DZIP3: variants seen among roughly 807,000 people sequenced by gnomAD.
DZIP3 encodes E3 ubiquitin-protein ligase DZIP3.
DZIP3 carries 118 observed loss-of-function variants against 162.0 expected under a neutral mutation model. The observed-to-expected ratio is 0.73, with a 90% CI of 0.63 to 0.85. DZIP3 has a LOEUF of 0.85. Among genes scored for constraint, DZIP3 ranks in the 40% least tolerant of loss-of-function variants. The pLI is 0.00. For missense variants in DZIP3, 1,331 were observed against 1,407.0 expected, an observed-to-expected ratio of 0.95 and a Z score of 0.86; for synonymous variants, 438 against 458.6, an observed-to-expected ratio of 0.96 and a Z score of 0.57.
At chr3:108,607,534 T>C (rs895627020) in intron 2 of DZIP3, among the ~76,000 whole-genome samples, 9 of 152,208 alleles carry the variant, frequency 5.9e-5, no homozygotes, top group African/African-American at 2.2e-4. Context: ...GTTCAGTATA[T>C]AATACTGCAG....
At chr3:108,608,852 GAA>G (rs1329517621) in intron 3 of DZIP3, among the ~76,000 whole-genome samples, 1 of 152,154 alleles carries the variant, frequency 6.6e-6, no homozygotes, top group African/African-American at 2.4e-5. Flanking sequence ...CTGCTGTAAA[GAA>G]CTACCTGAGA....
intron 12 of DZIP3, among the ~76,000 whole-genome samples, chr3:108,638,886 T>C (rs1055811790): frequency 6.6e-6 from 1 of 152,218 alleles, no homozygotes; most frequent in Non-Finnish European, 1.5e-5. Context: ...TTAGCTTGGC[T>C]CTTCACTTAA....
intron 26 of DZIP3, 146 bp from the exon 27 acceptor site, chr3:108,684,070 C>T (rs1010428837): frequency 4.1e-5 from 33 of 811,438 alleles, no homozygotes; most frequent in Non-Finnish European, 5.0e-5. Context: ...TTCTGACATA[C>T]ATTGTTTCTA....
At chr3:108,679,750 G>C (rs1481185635) in intron 26 of DZIP3, among the ~76,000 whole-genome samples, 2 of 152,106 alleles carry the variant, frequency 1.3e-5, no homozygotes, top group Non-Finnish European at 2.9e-5. Flanking sequence ...TCCCATCAGT[G>C]AATTAGGAAA....
chr3:108,675,586 TG>T (rs1173567869), intron 24 of DZIP3, among the ~76,000 whole-genome samples, 199 bp from the exon 25 acceptor site: 1 of 152,010 alleles, frequency 6.6e-6, no homozygotes, highest in Non-Finnish European at 1.5e-5. Context: ...TTGTGAAAAA[TG>T]AATTTTTTAT....
intron 19 of DZIP3, among the ~76,000 whole-genome samples, chr3:108,660,622 GC>G (rs1451202964): frequency 6.6e-6 from 1 of 152,000 alleles, no homozygotes; most frequent in African/African-American, 2.4e-5. Flanking sequence ...GGCAACAAAA[GC>G]CAAAATTGAC....
At chr3:108,658,324 A>G (rs2107274986) in intron 19 of DZIP3, among the ~76,000 whole-genome samples, 1 of 152,332 alleles carries the variant, frequency 6.6e-6, no homozygotes, top group East Asian at 1.9e-4. Context: ...GTAGAACTCA[A>G]GATTAAGAAA....
chr3:108,664,054 A>T (rs891288600), intron 21 of DZIP3, among the ~76,000 whole-genome samples: 2 of 152,212 alleles, frequency 1.3e-5, no homozygotes, highest in African/African-American at 2.4e-5. Flanking sequence ...AGCACAACAG[A>T]CAAGCATAGG....
At chr3:108,628,015 A>T (rs553350768) in intron 7 of DZIP3, among the ~76,000 whole-genome samples, 2 of 152,154 alleles carry the variant, frequency 1.3e-5, no homozygotes, top group East Asian at 3.9e-4. Context: ...AGTAGCTGGG[A>T]TTACAGGCAT....
chr3:108,634,728 T>C, intron 9 of DZIP3, 143 bp from the exon 10 acceptor site: 2 of 434,846 alleles, frequency 4.6e-6, no homozygotes, highest in Non-Finnish European at 8.1e-6. Context: ...TATTTGGTGA[T>C]CTCTGATTTC....
Position 108,619,234 on chromosome 3 carries a change from C to T in DZIP3, c.375+2577C>T, listed in dbSNP as rs1364344041. On this transcript the variant is annotated intron_variant, in intron 5 of 32. Coordinates refer to ENST00000361582, the MANE Select transcript of DZIP3 (RefSeq NM_014648.4). Reference sequence around the variant, plus strand: ...ATATAGAGCTTATGAGCAGAGGAGTCCAGGGTTCTCCAGAGAAACCAGACT... The same window carrying T: ...ATATAGAGCTTATGAGCAGAGGAGTTCAGGGTTCTCCAGAGAAACCAGACT... Among the ~76,000 whole-genome samples, 3 of 151,544 alleles carry T rather than the reference C, an allele frequency of 2.0e-5. No homozygotes were observed. The East Asian group carries it at 5.8e-4, about 29-fold the overall frequency.
chr3:108,675,891 T>A lies in DZIP3; in HGVS notation c.2781+18T>A. 2 of 1,601,952 alleles carry A rather than the reference T, an allele frequency of 1.2e-6. No individual in the cohort carries two copies. The highest frequency in any genetic ancestry group is 1.7e-6 in the Non-Finnish European group (2 of 1,174,224). ...TCCTCAGGGTAAGTCCTGAAGTATATTTGGAGAAAATTGGCTTAATGTTAT... is the reference window on the plus strand; with the variant it reads ...TCCTCAGGGTAAGTCCTGAAGTATAATTGGAGAAAATTGGCTTAATGTTAT... On this transcript the variant is annotated intron_variant, in intron 25 of 32. Transcript: ENST00000361582.
Position 108,661,892 on chromosome 3 carries a change from G to C in DZIP3, c.2215G>C (p.Val739Leu). ...TGCTCAATAGGGCTCAGCTGGCAAA[G>C]TAACTACAGACTATGGAGAAACTGA... ...DMIEQGSAGKVTTDYGETEKE... is the reference protein window; with the variant it reads ...DMIEQGSAGKLTTDYGETEKE... The change falls in exon 20 of 33, where the codon GTA becomes CTA. Residue 739 changes from valine (V) to leucine (L), a missense_variant. By Grantham distance (32) the Val-to-Leu change is conservative. Transcript: ENST00000361582. The C allele has an allele frequency of 6.2e-7, 1 of 1,613,674 alleles. No individual in the cohort carries two copies. Among genetic ancestry groups the C allele is most frequent in the Admixed American group, 1.7e-5 (1 of 59,936 alleles).
At chr3:108,642,661 G>A (rs889469361) in intron 13 of DZIP3, 147 bp downstream of exon 13, 7 of 872,394 alleles carry the variant, frequency 8.0e-6, no homozygotes, top group Non-Finnish European at 9.7e-6. Flanking sequence ...AGCGCTTGGT[G>A]TAGGCTGGAA....
At chr3:108,595,712 C>T (rs1053825627) in intron 1 of DZIP3, among the ~76,000 whole-genome samples, 3 of 152,116 alleles carry the variant, frequency 2.0e-5, no homozygotes, top group East Asian at 1.9e-4. Context: ...AATATATAAT[C>T]TCTAGTAACC....
intron 12 of DZIP3, among the ~76,000 whole-genome samples, chr3:108,642,230 C>CAAT (rs2107636722): frequency 6.8e-6 from 1 of 146,196 alleles, no homozygotes; most frequent in East Asian, 1.9e-4. Flanking sequence ...TGAAATCTGG[C>CAAT]AATACTGCTT....
chr3:108,669,421 G>A (rs899989079), intron 21 of DZIP3, among the ~76,000 whole-genome samples: 3 of 151,904 alleles, frequency 2.0e-5, no homozygotes, highest in Non-Finnish European at 2.9e-5. Context: ...TGAGATGCAA[G>A]ATAACACTTC....
chr3:108,631,224 A>G (rs1941873363), intron 8 of DZIP3, among the ~76,000 whole-genome samples: 1 of 151,644 alleles, frequency 6.6e-6, no homozygotes, highest in South Asian at 2.1e-4. Context: ...TTTCCTTCCT[A>G]GGGTTGCTTC....
At chr3:108,621,012 A>G (rs1035231326) in intron 5 of DZIP3, among the ~76,000 whole-genome samples, 4 of 151,978 alleles carry the variant, frequency 2.6e-5, no homozygotes, top group Admixed American at 6.6e-5. Flanking sequence ...TAGTAGAGAC[A>G]GGGTTTCACC....
Sources: gnomAD v4.1 joint callset for allele counts (sites outside exome capture counted in the v4.1 genomes callset) on GRCh38, gnomAD v4.1.1 for gene constraint, MANE v1.5 for transcripts, NCBI Gene and HGNC (gene_info 2026-07-23, HGNC 2026-07-21) for gene names.